The following MARCHF3 variants were observed in gnomAD, a reference collection of about 807,000 sequenced individuals.
MARCHF3 encodes the protein E3 ubiquitin-protein ligase MARCHF3.
In MARCHF3, 13 loss-of-function variants were observed where a neutral mutation model predicts 24.2. That is an observed-to-expected ratio of 0.54 (90% CI 0.35 to 0.85). The LOEUF (loss-of-function observed/expected upper bound fraction) is 0.85, where lower values mean the gene tolerates loss of function less well. MARCHF3 is among the 40% of genes least tolerant of loss of function. MARCHF3 has a pLI of 0.01. For missense variants in MARCHF3, 276 were observed against 325.0 expected (o/e 0.85, Z 1.16); for synonymous variants, 144 against 137.3 (o/e 1.05, Z -0.34).
At chr5:126,979,605 GT>G (rs941938457) in intron 1 of MARCHF3, among the ~76,000 whole-genome samples, 5 of 152,178 alleles carry the variant, frequency 3.3e-5, no homozygotes, top group African/African-American at 1.2e-4. Context: ...ATTTAAGTGT[GT>G]TTTTCCTTAG....
intron 1 of MARCHF3, among the ~76,000 whole-genome samples, chr5:127,002,359 T>C (rs1580474133): frequency 6.6e-6 from 1 of 152,238 alleles, no homozygotes; most frequent in East Asian, 1.9e-4. Flanking sequence ...GTCTGGCTTA[T>C]ATATAACCAG....
chr5:126,901,416 A>G (rs1722101841), intron 3 of MARCHF3, among the ~76,000 whole-genome samples: 4 of 152,110 alleles, frequency 2.6e-5, no homozygotes, highest in Non-Finnish European at 5.9e-5. Flanking sequence ...CTATTCTGGA[A>G]AGTAAAATTC....
intron 1 of MARCHF3, among the ~76,000 whole-genome samples, chr5:126,996,829 TAGAA>T (rs758837455): frequency 1.3e-5 from 2 of 152,168 alleles, no homozygotes; most frequent in African/African-American, 4.8e-5. Context: ...CGTGAAGAGA[TAGAA>T]AGATCTCTAG....
At chr5:127,016,010 C>T (rs186410666) in intron 1 of MARCHF3, among the ~76,000 whole-genome samples, 51 of 152,216 alleles carry the variant, frequency 3.4e-4, no homozygotes, top group African/African-American at 1.2e-3. Flanking sequence ...TCGAAGGAAC[C>T]CTTACTTTAC....
At chr5:126,921,910 G>C (rs2126797826) in intron 1 of MARCHF3, among the ~76,000 whole-genome samples, 1 of 152,224 alleles carries the variant, frequency 6.6e-6, no homozygotes, top group African/African-American at 2.4e-5. Flanking sequence ...CAGAGGGGGT[G>C]GGCAAATAAA....
chr5:126,914,754 T>A (rs1236328767), intron 3 of MARCHF3, 176 bp downstream of exon 3: 1 of 597,140 alleles, frequency 1.7e-6, no homozygotes, highest in Admixed American at 2.8e-5. Flanking sequence ...TCTGTCTACA[T>A]CTCTCTTTCT....
At chr5:126,914,767 A>ACACACACAC (rs1754658481) in intron 3 of MARCHF3, 163 bp downstream of exon 3, 181 of 484,384 alleles carry the variant, frequency 3.7e-4, no homozygotes, top group African/African-American at 6.2e-4. Flanking sequence ...CTCTTTCTCA[A>ACACACACAC]ACACACACAC....
intron 1 of MARCHF3, among the ~76,000 whole-genome samples, chr5:126,981,008 T>C (rs1751376131): frequency 6.6e-6 from 1 of 152,198 alleles, no homozygotes; most frequent in Non-Finnish European, 1.5e-5. Flanking sequence ...CACCATTCAA[T>C]CTTTGTGCTG....
At chr5:126,929,630 G>A (rs1037020739) in intron 1 of MARCHF3, among the ~76,000 whole-genome samples, 5 of 152,200 alleles carry the variant, frequency 3.3e-5, no homozygotes, top group African/African-American at 1.2e-4. Context: ...AGTCTTCAGA[G>A]TATGGAATTG....
intron 3 of MARCHF3, among the ~76,000 whole-genome samples, chr5:126,885,962 C>T (rs1229412668): frequency 3.3e-5 from 5 of 151,310 alleles, no homozygotes; most frequent in Non-Finnish European, 7.4e-5. Flanking sequence ...TTCAAGATCC[C>T]TTGTGCTGTT....
intron 1 of MARCHF3, among the ~76,000 whole-genome samples, chr5:126,993,309 T>A (rs534508494): frequency 6.6e-6 from 1 of 152,304 alleles, no homozygotes; most frequent in Admixed American, 6.5e-5. Context: ...ATGTAGATGA[T>A]AACAAGCCTT....
At chr5:126,920,167 T>TATC (rs1749056282) in intron 1 of MARCHF3, among the ~76,000 whole-genome samples, 1 of 152,182 alleles carries the variant, frequency 6.6e-6, no homozygotes, top group South Asian at 2.1e-4. Flanking sequence ...TTTGGGTAGA[T>TATC]ATCTTCTTTT....
intron 3 of MARCHF3, 175 bp downstream of exon 3, chr5:126,914,753 ATC>A (rs1232866040): frequency 1.1e-4 from 59 of 545,642 alleles, no homozygotes; most frequent in African/African-American, 4.7e-5. Context: ...GTCTGTCTAC[ATC>A]TCTCTTTCTC....
chr5:126,871,120 T>C (rs1172869279), intron 4 of MARCHF3, among the ~76,000 whole-genome samples: 1 of 152,212 alleles, frequency 6.6e-6, no homozygotes, highest in African/African-American at 2.4e-5. Flanking sequence ...GTGGATACAA[T>C]GCCAGCCCTC....
rs10653981 is a variant in MARCHF3 at position 126,869,582 on chromosome 5, C to CTTTTTTTTTTTTTT, written c.*1037_*1050dup. 3.8e-5 allele frequency: 3 copies of CTTTTTTTTTTTTTT among 79,832 alleles called. 1 individual carries two copies. The highest frequency in any genetic ancestry group is 5.3e-5 in the African/African-American group (1 of 18,756). The allele number at this position is 79,832 out of a possible 1,614,324, so 4.9% of individuals were successfully genotyped here. On this transcript the variant is annotated 3_prime_UTR_variant, in exon 5 of 5. Coordinates refer to ENST00000308660, the MANE Select transcript of MARCHF3 (RefSeq NM_178450.5). ...ATAAGTGCAGGGCTGCTAGGACAGG[C>CTTTTTTTTTTTTTT]TTTTTTTTTTTTTTTTTTTTTTGCC... is the stretch of plus-strand genomic sequence containing the variant.
At chr5:126,952,198 G>A (rs1305128828) in intron 1 of MARCHF3, among the ~76,000 whole-genome samples, 1 of 152,094 alleles carries the variant, frequency 6.6e-6, no homozygotes, top group Non-Finnish European at 1.5e-5. Flanking sequence ...CCACTACCCT[G>A]TAAGAAGGAT....
In MARCHF3 at chr5:126,932,559, T is replaced by C. The variant is rs936464292; in HGVS notation, c.-56-14332A>G. ...GGGAGGATGGGCCAGAGCTTGTCAT[T>C]GGAACAATGGGGTAAGTAAGACTGA... On this transcript the variant is annotated intron_variant, in intron 1 of 4. Transcript: ENST00000308660. Among the ~76,000 whole-genome samples the C allele has an allele frequency of 2.6e-5, 4 of 152,152 alleles. No homozygotes were observed. The South Asian group carries it at 8.3e-4, about 31-fold the overall frequency.
chr5:126,898,589 A>T (rs1309465864), intron 3 of MARCHF3, among the ~76,000 whole-genome samples: 1 of 152,080 alleles, frequency 6.6e-6, no homozygotes, highest in African/African-American at 2.4e-5. Context: ...GGAAGCGGTG[A>T]ATTGTAAGGA....
chr5:126,943,842 G>A (rs970340557), intron 1 of MARCHF3, among the ~76,000 whole-genome samples: 19 of 151,388 alleles, frequency 1.3e-4, no homozygotes, highest in African/African-American at 4.1e-4. Context: ...ACGGAGTCTC[G>A]CTCTGTCGCT....
Sources: gnomAD v4.1 joint callset for allele counts (sites outside exome capture counted in the v4.1 genomes callset) on GRCh38, gnomAD v4.1.1 for gene constraint, MANE v1.5 for transcripts, NCBI Gene and HGNC (gene_info 2026-07-23, HGNC 2026-07-21) for gene names.